WDR70: variants seen among roughly 807,000 people sequenced by gnomAD.
WDR70 encodes the protein WD repeat-containing protein 70.
A neutral mutation model predicts 88.6 loss-of-function variants in WDR70; 53 were observed. That is an observed-to-expected ratio of 0.60 (90% CI 0.48 to 0.75). The LOEUF (loss-of-function observed/expected upper bound fraction) is 0.75. WDR70 is among the 30% of genes least tolerant of loss of function. The pLI, the probability that WDR70 is intolerant of heterozygous loss-of-function variation, is 0.00. For missense variants in WDR70, 610 were observed against 823.2 expected, an observed-to-expected ratio of 0.74 and a Z score of 3.17; for synonymous variants, 280 against 270.0, an observed-to-expected ratio of 1.04 and a Z score of -0.36.
At chr5:37,751,817 C>T (rs1434843528) in intron 17 of WDR70, among the ~76,000 whole-genome samples, 1 of 152,054 alleles carries the variant, frequency 6.6e-6, no homozygotes, top group Admixed American at 6.6e-5. Context: ...GTCATTGAAC[C>T]GGTATGTTTA....
intron 13 of WDR70, among the ~76,000 whole-genome samples, chr5:37,714,383 G>A (rs888203978): frequency 1.3e-5 from 2 of 152,162 alleles, no homozygotes; most frequent in Non-Finnish European, 2.9e-5. Context: ...AGAAAAACCA[G>A]GTGGAGTTGG....
intron 5 of WDR70, among the ~76,000 whole-genome samples, chr5:37,404,002 A>G (rs1202368490): frequency 1.3e-5 from 2 of 152,118 alleles, no homozygotes; most frequent in Non-Finnish European, 2.9e-5. Flanking sequence ...CAGCCTCCCA[A>G]AGTGTTGGGA....
intron 10 of WDR70, among the ~76,000 whole-genome samples, chr5:37,643,260 C>T (rs1395936020): frequency 6.6e-6 from 1 of 151,906 alleles, no homozygotes; most frequent in Non-Finnish European, 1.5e-5. Context: ...CAAGTGTATA[C>T]TCTTGGCACC....
chr5:37,656,397 G>A (rs933359038), intron 10 of WDR70, among the ~76,000 whole-genome samples: 1 of 152,220 alleles, frequency 6.6e-6, no homozygotes, highest in African/African-American at 2.4e-5. Context: ...CCTGGGAGGT[G>A]TCTCCCAGTC....
At chr5:37,430,451 GA>G (rs1750266182) in intron 5 of WDR70, among the ~76,000 whole-genome samples, 3 of 152,186 alleles carry the variant, frequency 2.0e-5, no homozygotes, top group Admixed American at 2.0e-4. Context: ...TAAAGAAAAT[GA>G]AAGACTAGTG....
chr5:37,479,616 C>A (rs1019719527), intron 7 of WDR70: 17 of 403,998 alleles, frequency 4.2e-5, no homozygotes, highest in African/African-American at 3.4e-4. Context: ...GGTGATCCAT[C>A]TGCCTTGGCC....
At chr5:37,527,189 A>T (rs1222138950) in intron 9 of WDR70, among the ~76,000 whole-genome samples, 1 of 152,234 alleles carries the variant, frequency 6.6e-6, no homozygotes, top group African/African-American at 2.4e-5. Flanking sequence ...ATCCTAAGCC[A>T]AAAGTACAAA....
chr5:37,379,695 C>T (rs1163541969), intron 2 of WDR70, 141 bp downstream of exon 2: 1 of 904,416 alleles, frequency 1.1e-6, no homozygotes, highest in African/African-American at 1.7e-5. Flanking sequence ...ATTCTTCTCC[C>T]ATTTGTCTTC....
intron 9 of WDR70, among the ~76,000 whole-genome samples, chr5:37,595,793 C>T (rs12655908): frequency 0.41 from 62,312 of 151,866 alleles, 14,922 homozygotes; most frequent in Non-Finnish European, 0.54. Flanking sequence ...ATGCCTAGGG[C>T]CTTTACCTTT....
intron 7 of WDR70, among the ~76,000 whole-genome samples, chr5:37,465,468 A>G (rs1394142273): frequency 6.6e-6 from 1 of 152,212 alleles, no homozygotes; most frequent in African/African-American, 2.4e-5. Context: ...TTTAGAAGAA[A>G]TGGGTCAGTA....
intron 9 of WDR70, among the ~76,000 whole-genome samples, chr5:37,525,709 A>G (rs1353126942): frequency 6.6e-6 from 1 of 152,206 alleles, no homozygotes; most frequent in African/African-American, 2.4e-5. Context: ...TTTTGAAAAG[A>G]TCAATAAAAT....
At chr5:37,502,787 C>G (rs1290202495) in intron 8 of WDR70, among the ~76,000 whole-genome samples, 2 of 152,178 alleles carry the variant, frequency 1.3e-5, no homozygotes, top group Non-Finnish European at 2.9e-5. Context: ...GCAGATACTT[C>G]ACATGGTGGA....
At chr5:37,564,575 G>A (rs1437160654) in intron 9 of WDR70, among the ~76,000 whole-genome samples, 1 of 147,320 alleles carries the variant, frequency 6.8e-6, no homozygotes, top group Non-Finnish European at 1.5e-5. Flanking sequence ...GGGAGAGGGA[G>A]AGGAGGGAGA....
intron 5 of WDR70, among the ~76,000 whole-genome samples, chr5:37,435,268 A>G (rs1750432898): frequency 6.6e-6 from 1 of 152,174 alleles, no homozygotes; most frequent in Non-Finnish European, 1.5e-5. Flanking sequence ...GTGATGAAAA[A>G]GTAGTTATGA....
At chr5:37,695,259 C>T (rs1746948279) in intron 10 of WDR70, among the ~76,000 whole-genome samples, 1 of 152,164 alleles carries the variant, frequency 6.6e-6, no homozygotes, top group Non-Finnish European at 1.5e-5. Context: ...CTAAACCATT[C>T]ATAAGAAGCC....
chr5:37,575,100 A>T, intron 9 of WDR70, among the ~76,000 whole-genome samples: 1 of 152,216 alleles, frequency 6.6e-6, no homozygotes, highest in Non-Finnish European at 1.5e-5. Context: ...AGCGCCCAGA[A>T]CACTATCTGG....
chr5:37,690,229 T>C (rs1052416762), intron 10 of WDR70, among the ~76,000 whole-genome samples: 55 of 152,298 alleles, frequency 3.6e-4, no homozygotes, highest in African/African-American at 1.3e-3. Flanking sequence ...ACCAAATCTA[T>C]GTTTGATTGG....
intron 9 of WDR70, among the ~76,000 whole-genome samples, chr5:37,566,273 T>A (rs965294546): frequency 1.3e-5 from 2 of 148,760 alleles, no homozygotes; most frequent in African/African-American, 4.9e-5. Flanking sequence ...TTGTTAGTAG[T>A]ATGTTACTAA....
At chr5:37,695,595 T>C (rs993144507) in intron 10 of WDR70, among the ~76,000 whole-genome samples, 1 of 152,194 alleles carries the variant, frequency 6.6e-6, no homozygotes, top group Non-Finnish European at 1.5e-5. Flanking sequence ...TTCCTTGACA[T>C]GTGGCCCCCT....
Sources: allele counts gnomAD v4.1 joint callset (sites outside exome capture counted in the v4.1 genomes callset), GRCh38; gene constraint gnomAD v4.1.1; transcripts MANE v1.5; gene names NCBI Gene and HGNC (gene_info 2026-07-23, HGNC 2026-07-21).